Variants in PTGER3 observed in about 807,000 individuals in gnomAD.
PTGER3 encodes prostaglandin E receptor 3, also known as prostaglandin E2 receptor EP3 subtype.
Under a neutral mutation model 34.7 loss-of-function variants are expected in PTGER3, and 22 were observed. The ratio of observed to expected loss-of-function variants is 0.63; its 90% CI spans 0.45 to 0.91. The LOEUF is 0.91. Ranked by LOEUF, PTGER3 falls within the 40% of genes least tolerant of loss-of-function variation. PTGER3 has a pLI of 0.00. For missense variants in PTGER3, 468 were observed against 519.4 expected (o/e 0.90, Z 0.96); for synonymous variants, 241 against 230.1 (o/e 1.05, Z -0.43).
chr1:71,007,587 A>G (rs1440921939), intron 2 of PTGER3: 1 of 985,236 alleles, frequency 1.0e-6, no homozygotes, highest in Non-Finnish European at 1.2e-6. Context: ...GTTTTCCATC[A>G]TATCTTTTTC....
chr1:70,942,916 A>AT (rs1649891387), intron 4 of PTGER3, among the ~76,000 whole-genome samples: 1 of 152,170 alleles, frequency 6.6e-6, no homozygotes, highest in Admixed American at 6.5e-5. Context: ...CAACATGTTG[A>AT]TTTTAGACTT....
At chr1:70,865,931 G>T in intron 4 of PTGER3, 1 of 635,086 alleles carries the variant, frequency 1.6e-6, no homozygotes. Flanking sequence ...TTCCTGGACT[G>T]TCATCCGGGA....
intron 4 of PTGER3, among the ~76,000 whole-genome samples, chr1:70,915,815 C>T (rs960807490): frequency 5.9e-5 from 9 of 151,642 alleles, no homozygotes; most frequent in African/African-American, 2.2e-4. Flanking sequence ...GTCTGTTTCT[C>T]AGAATTGGCC....
At chr1:71,035,905 T>C (rs1659781552) in intron 1 of PTGER3, among the ~76,000 whole-genome samples, 1 of 152,204 alleles carries the variant, frequency 6.6e-6, no homozygotes, top group Admixed American at 6.5e-5. Context: ...ATAAATGACC[T>C]TTTTCCCAGA....
chr1:70,869,271 G>A (rs141068142), intron 4 of PTGER3: 9 of 471,462 alleles, frequency 1.9e-5, no homozygotes, highest in Middle Eastern at 3.3e-4. Flanking sequence ...CAAGTCCTGG[G>A]GACCTGCCTC....
At chr1:70,939,123 A>G (rs969953970) in intron 4 of PTGER3, among the ~76,000 whole-genome samples, 50 of 152,334 alleles carry the variant, frequency 3.3e-4, no homozygotes, top group African/African-American at 1.2e-3. Flanking sequence ...AATGGGAGAC[A>G]TTGGCCAAAA....
intron 4 of PTGER3, among the ~76,000 whole-genome samples, chr1:70,944,440 G>A (rs976364286): frequency 6.6e-6 from 1 of 152,054 alleles, no homozygotes; most frequent in African/African-American, 2.4e-5. Flanking sequence ...GAAGAAGTCA[G>A]GGCAAAAGAC....
intron 4 of PTGER3, among the ~76,000 whole-genome samples, chr1:70,887,046 C>G (rs996287911): frequency 3.3e-5 from 5 of 152,178 alleles, no homozygotes; most frequent in Non-Finnish European, 7.3e-5. Context: ...AATGAAACAT[C>G]TAGAAGTCTT....
At chr1:70,893,373 G>A (rs773789557) in intron 4 of PTGER3, among the ~76,000 whole-genome samples, 17 of 152,176 alleles carry the variant, frequency 1.1e-4, no homozygotes, top group Non-Finnish European at 1.8e-4. Context: ...ACAGGACACC[G>A]CCTCTTGTTT....
intron 4 of PTGER3, among the ~76,000 whole-genome samples, chr1:70,914,271 C>T (rs546554609): frequency 6.6e-6 from 1 of 151,852 alleles, no homozygotes; most frequent in East Asian, 1.9e-4. Flanking sequence ...CATTGTGCCT[C>T]TGTTACCTAT....
chr1:70,863,398 G>A (rs1224385389), intron 4 of PTGER3, among the ~76,000 whole-genome samples: 1 of 152,162 alleles, frequency 6.6e-6, no homozygotes, highest in African/African-American at 2.4e-5. Flanking sequence ...GAATTTCACT[G>A]TCCTGTCTTC....
At chr1:71,007,136 G>A (rs1657037629) in intron 2 of PTGER3, 1 of 985,616 alleles carries the variant, frequency 1.0e-6, no homozygotes, top group East Asian at 1.1e-4. Flanking sequence ...TGGATGCTGA[G>A]GAGGAGAGGT....
intron 1 of PTGER3, among the ~76,000 whole-genome samples, chr1:71,018,210 A>G (rs1021103497): frequency 1.3e-5 from 2 of 152,188 alleles, no homozygotes; most frequent in Admixed American, 1.3e-4. Flanking sequence ...AATGAGCTTG[A>G]AAACGATTTT....
chr1:71,008,022 A>G (rs1657116553), intron 2 of PTGER3: 1 of 985,074 alleles, frequency 1.0e-6, no homozygotes, highest in African/African-American at 1.7e-5. Flanking sequence ...GATCTGTTTC[A>G]CATATTAGGC....
At chr1:70,894,812 A>T (rs1365158544) in intron 4 of PTGER3, among the ~76,000 whole-genome samples, 1 of 152,180 alleles carries the variant, frequency 6.6e-6, no homozygotes, top group Non-Finnish European at 1.5e-5. Flanking sequence ...AGGAGATAAA[A>T]CTAATACCCA....
chr1:70,884,020 A>C (rs558705048), intron 4 of PTGER3: 1 of 368,580 alleles, frequency 2.7e-6, no homozygotes, highest in Non-Finnish European at 5.4e-6. Flanking sequence ...GGAGGAGGTG[A>C]AGGTTGCAGT....
intron 4 of PTGER3, among the ~76,000 whole-genome samples, chr1:70,871,403 A>G (rs990100333): frequency 6.6e-6 from 1 of 152,172 alleles, no homozygotes; most frequent in Non-Finnish European, 1.5e-5. Context: ...AACACTGGAG[A>G]TTACAATTCA....
chr1:71,029,926 A>AAATAATAAT (rs3044586), intron 1 of PTGER3, among the ~76,000 whole-genome samples: 4,849 of 144,066 alleles, frequency 0.034, 195 homozygotes, highest in African/African-American at 0.088. Flanking sequence ...ACTCCATCTC[A>AAATAATAAT]AATAATAATA....
intron 2 of PTGER3, among the ~76,000 whole-genome samples, chr1:70,962,227 T>C (rs1300721869): frequency 6.6e-6 from 1 of 152,146 alleles, no homozygotes; most frequent in Non-Finnish European, 1.5e-5. Flanking sequence ...TTTGAAGAAA[T>C]GTGGGGTCAG....
Sources: allele counts gnomAD v4.1 joint callset (sites outside exome capture counted in the v4.1 genomes callset), GRCh38; gene constraint gnomAD v4.1.1; transcripts MANE v1.5; gene names NCBI Gene and HGNC (gene_info 2026-07-23, HGNC 2026-07-21).